TMPRSS11A: variants seen among roughly 807,000 people sequenced by gnomAD.
TMPRSS11A encodes the protein transmembrane serine protease 11A.
Under a neutral mutation model 58.9 loss-of-function variants are expected in TMPRSS11A, and 53 were observed. The observed-to-expected ratio is 0.90, with a 90% CI of 0.72 to 1.13. TMPRSS11A has a LOEUF of 1.13. TMPRSS11A is among the 50% of genes most tolerant of loss of function. The pLI is 0.00. For synonymous variants in TMPRSS11A, 167 were observed against 169.8 expected (o/e 0.98, Z 0.13); for missense variants, 493 against 499.3 (o/e 0.99, Z 0.12).
intron 1 of TMPRSS11A, among the ~76,000 whole-genome samples, chr4:67,956,649 G>A (rs1721297661): frequency 6.6e-6 from 1 of 152,170 alleles, no homozygotes; most frequent in African/African-American, 2.4e-5. Context: ...TTCAAATTTA[G>A]TAAGTGTATA....
At chr4:67,923,937 A>AT (rs1384903199) in intron 6 of TMPRSS11A, among the ~76,000 whole-genome samples, 191 bp downstream of exon 6, 6 of 152,166 alleles carry the variant, frequency 3.9e-5, no homozygotes, top group Non-Finnish European at 7.4e-5. Flanking sequence ...TACCATGGCA[A>AT]TTTTTTTCTT....
chr4:67,931,205 T>G (rs1420090894), intron 4 of TMPRSS11A, among the ~76,000 whole-genome samples: 1 of 152,170 alleles, frequency 6.6e-6, no homozygotes, highest in East Asian at 1.9e-4. Flanking sequence ...ATTTATGTTA[T>G]AAAATCCTTA....
At chr4:67,945,040 A>G (rs1720969144) in intron 2 of TMPRSS11A, among the ~76,000 whole-genome samples, 1 of 152,148 alleles carries the variant, frequency 6.6e-6, no homozygotes, top group Middle Eastern at 3.2e-3. Context: ...CTCCTTGCTG[A>G]GTTGAAATGT....
intron 8 of TMPRSS11A, among the ~76,000 whole-genome samples, chr4:67,917,242 A>G (rs1720183198): frequency 6.6e-6 from 1 of 151,968 alleles, no homozygotes; most frequent in Non-Finnish European, 1.5e-5. Context: ...TCCTTATAAT[A>G]TGCATTTTCT....
At position 67,948,215 on chromosome 4, in the gene TMPRSS11A, G is replaced by A. The variant is rs576069385; in HGVS notation, c.12-1644C>T. Among the ~76,000 whole-genome samples, 6 of 144,364 alleles carry A rather than the reference G, an allele frequency of 4.2e-5. No homozygotes were observed. The East Asian group carries it at 8.0e-4, about 19-fold the overall frequency. The allele number at this position is 144,364 out of a possible 152,430, so 94.7% of individuals were successfully genotyped here. A position where few individuals can be genotyped will look rare whatever the true frequency, so the allele number is the denominator to read the frequency against. ...ATCCAGGCTGCCAGGCTGGAGTGCA[G>A]TGGTGTGATCTCTGCTCACTGCAAG... On this transcript the variant is annotated intron_variant, in intron 1 of 9. Transcript: ENST00000508048.
intron 1 of TMPRSS11A, among the ~76,000 whole-genome samples, chr4:67,958,856 T>G (rs1415615504): frequency 2.0e-5 from 3 of 152,334 alleles, no homozygotes; most frequent in East Asian, 3.9e-4. Flanking sequence ...AATTGAATCA[T>G]GAAGGCAGAT....
In TMPRSS11A at chr4:67,911,296, A is replaced by G; in HGVS notation, c.*46T>C. 1.3e-6 allele frequency: 2 copies of G among 1,572,942 alleles called. No individual in the cohort carries two copies. The highest frequency in any genetic ancestry group is 1.4e-5 in the African/African-American group (1 of 73,978). ...CCACTAAATAGTTGAATTCTCATGCATATATGACCTGCATACAGCTTTCTT... is the reference window on the plus strand; with the variant it reads ...CCACTAAATAGTTGAATTCTCATGCGTATATGACCTGCATACAGCTTTCTT... On this transcript the variant is annotated 3_prime_UTR_variant, in exon 10 of 10. Transcript: ENST00000508048.
intron 3 of TMPRSS11A, among the ~76,000 whole-genome samples, chr4:67,941,683 C>T (rs1204879905): frequency 6.6e-6 from 1 of 152,134 alleles, no homozygotes; most frequent in Non-Finnish European, 1.5e-5. Context: ...AAAACTGGCT[C>T]ACTATATGAA....
intron 7 of TMPRSS11A, among the ~76,000 whole-genome samples, chr4:67,921,124 A>G (rs1175137592): frequency 2.6e-5 from 4 of 152,176 alleles, no homozygotes; most frequent in Non-Finnish European, 5.9e-5. Flanking sequence ...GTAGAAGTTA[A>G]TAGAGTATAG....
At chr4:67,941,996 T>G (rs1720892745) in intron 3 of TMPRSS11A, among the ~76,000 whole-genome samples, 1 of 152,076 alleles carries the variant, frequency 6.6e-6, no homozygotes, top group South Asian at 2.1e-4. Context: ...CCAGAAAATG[T>G]AAAGAACTTC....
At chr4:67,912,885 T>C (rs1049991683) in intron 9 of TMPRSS11A, among the ~76,000 whole-genome samples, 1 of 152,162 alleles carries the variant, frequency 6.6e-6, no homozygotes, top group African/African-American at 2.4e-5. Context: ...TTTTTTATAT[T>C]GTACACTCGC....
chr4:67,916,591 C>A (rs1291171216), intron 8 of TMPRSS11A, among the ~76,000 whole-genome samples: 1 of 152,072 alleles, frequency 6.6e-6, no homozygotes, highest in African/African-American at 2.4e-5. Context: ...CTTTGGGAGG[C>A]CGAGGCAGGT....
intron 7 of TMPRSS11A, among the ~76,000 whole-genome samples, chr4:67,919,465 G>C (rs890159214): frequency 6.6e-6 from 1 of 152,124 alleles, no homozygotes; most frequent in African/African-American, 2.4e-5. Flanking sequence ...TTTTAGAACT[G>C]TAATACACAT....
At position 67,932,943 on chromosome 4, in the gene TMPRSS11A, G is replaced by A. The variant is rs573085297; in HGVS notation, c.253-883C>T. ...GTGATGCTGTGGTCTCTCACACCTG[G>A]CATTCGGCTTGCAGTATCCCCTAGC... On this transcript the variant is annotated intron_variant, in intron 3 of 9. Transcript: ENST00000508048. 2.0e-5 allele frequency among the ~76,000 whole-genome samples: 3 copies of A among 152,152 alleles called. No homozygotes were observed. The East Asian group carries it at 5.8e-4, about 29-fold the overall frequency.
intron 1 of TMPRSS11A, among the ~76,000 whole-genome samples, chr4:67,960,523 C>G (rs1721397497): frequency 6.6e-6 from 1 of 152,060 alleles, no homozygotes; most frequent in African/African-American, 2.4e-5. Context: ...AATGCACCAA[C>G]ATAATGTAAT....
intron 8 of TMPRSS11A, among the ~76,000 whole-genome samples, chr4:67,917,646 C>G (rs998375534): frequency 1.3e-5 from 2 of 151,998 alleles, no homozygotes; most frequent in South Asian, 2.1e-4. Context: ...CAAGAGAGGC[C>G]GTGTTCAAGT....
intron 3 of TMPRSS11A, among the ~76,000 whole-genome samples, chr4:67,940,232 G>A (rs1325626797): frequency 6.6e-6 from 1 of 152,040 alleles, no homozygotes; most frequent in Non-Finnish European, 1.5e-5. Flanking sequence ...TTGGCGTTAG[G>A]GTAATGCTGA....
At chr4:67,938,552 C>T (rs1401995432) in intron 3 of TMPRSS11A, among the ~76,000 whole-genome samples, 1 of 152,102 alleles carries the variant, frequency 6.6e-6, no homozygotes, top group African/African-American at 2.4e-5. Flanking sequence ...TGTGGTCTTA[C>T]ATTTAATTCT....
chr4:67,917,138 A>G (rs1305765860), intron 8 of TMPRSS11A, among the ~76,000 whole-genome samples: 2 of 151,562 alleles, frequency 1.3e-5, no homozygotes, highest in African/African-American at 2.4e-5. Context: ...TTCTATTCTT[A>G]TTCTTATTAT....
Sources: allele counts gnomAD v4.1 joint callset (sites outside exome capture counted in the v4.1 genomes callset), GRCh38; gene constraint gnomAD v4.1.1; transcripts MANE v1.5; gene names NCBI Gene and HGNC (gene_info 2026-07-23, HGNC 2026-07-21).